The following WASHC4 variants were observed in gnomAD, a reference collection of about 807,000 sequenced individuals.
WASHC4 encodes the protein WASH complex subunit 4.
WASHC4 carries 86 observed loss-of-function variants against 166.6 expected under a neutral mutation model. That is an observed-to-expected ratio of 0.52 (90% CI 0.43 to 0.62). The LOEUF is 0.62. WASHC4 is among the 20% of genes least tolerant of loss of function. The pLI is 0.00. For synonymous variants in WASHC4, 446 were observed against 451.6 expected, an observed-to-expected ratio of 0.99 and a Z score of 0.16; for missense variants, 1,262 against 1,382.4, an observed-to-expected ratio of 0.91 and a Z score of 1.38.
chr12:105,112,917 A>G (rs1288479989), intron 2 of WASHC4, among the ~76,000 whole-genome samples: 1 of 152,180 alleles, frequency 6.6e-6, no homozygotes, highest in Non-Finnish European at 1.5e-5. Flanking sequence ...AATGAATATC[A>G]GGCAGCTTGA....
intron 6 of WASHC4, 75 bp from the exon 7 acceptor site, chr12:105,118,371 T>C (rs1880390947): frequency 9.5e-7 from 1 of 1,047,174 alleles, no homozygotes; most frequent in African/African-American, 1.6e-5. Context: ...GTTAGAGTTG[T>C]TACCATAAAA....
At chr12:105,129,318 C>T (rs1044125711) in intron 13 of WASHC4, among the ~76,000 whole-genome samples, 1 of 152,176 alleles carries the variant, frequency 6.6e-6, no homozygotes, top group African/African-American at 2.4e-5. Flanking sequence ...CTCCTGACCT[C>T]AGGTGATCCG....
chr12:105,156,522 A>T (rs562774323), intron 26 of WASHC4: 38 of 320,766 alleles, frequency 1.2e-4, no homozygotes, highest in African/African-American at 7.8e-4. Flanking sequence ...TAATATAGTT[A>T]TATATAAGTA....
At chr12:105,115,583 A>G in intron 5 of WASHC4, 78 bp from the exon 6 acceptor site, 2 of 1,072,400 alleles carry the variant, frequency 1.9e-6, no homozygotes, top group African/African-American at 1.6e-5. Context: ...GAAAAAAAAA[A>G]ACTTTTCCCC....
intron 10 of WASHC4, among the ~76,000 whole-genome samples, chr12:105,122,812 T>C (rs1004450499): frequency 1.8e-4 from 27 of 152,162 alleles, no homozygotes; most frequent in African/African-American, 6.5e-4. Flanking sequence ...CGATAAATGT[T>C]GTGTGTGTTC....
chr12:105,152,497 A>C (rs1456346102), intron 26 of WASHC4, 46 bp downstream of exon 26: 2 of 1,000,462 alleles, frequency 2.0e-6, no homozygotes, highest in Non-Finnish European at 3.2e-6. Context: ...AGATCCCTAC[A>C]GTCTATCTCA....
chr12:105,147,858 T>G (rs892269765), intron 24 of WASHC4: 1 of 799,990 alleles, frequency 1.3e-6, no homozygotes, highest in African/African-American at 1.9e-5. Flanking sequence ...TGAGCTGAGA[T>G]TGCGCCATTG....
rs757757796 is a variant in WASHC4, at chr12:105,157,248, T to C, written c.2838T>C (p.Asp946=). The stretch of plus-strand genomic sequence containing the variant: ...AATTCTTATGTAGATTTGTTCCTGA[T>C]CTTGAAGATATTGTAAATTTTGAAG... ...CSSNAIRFVP[D]LEDIVNFEEL... is the part of the protein sequence containing the mutation. The change falls in exon 28 of 33, where the codon GAT becomes GAC. Residue 946 remains aspartate (D), a synonymous_variant. Transcript: ENST00000332180. 2.2e-5 allele frequency: 34 copies of C among 1,525,952 alleles called. No homozygotes were observed. The highest frequency in any genetic ancestry group is 3.1e-5 in the Non-Finnish European group (34 of 1,102,662). 94.5% of individuals were successfully genotyped at this position (1,525,952 alleles called of 1,614,324 possible).
In WASHC4 at chr12:105,166,824, G is replaced by T; in HGVS notation, c.3455-40G>T. Reference sequence around the variant, plus strand: ...ACTTCTTAATTTATTGTTTAAAAATGAACATAAATATCCATTATTATTTTC... The same window carrying T: ...ACTTCTTAATTTATTGTTTAAAAATTAACATAAATATCCATTATTATTTTC... On this transcript the variant is annotated intron_variant, in intron 32 of 32. Transcript: ENST00000332180. 2.2e-6 allele frequency: 3 copies of T among 1,355,254 alleles called. No homozygotes were observed. The South Asian group carries it at 3.5e-5, about 16-fold the overall frequency. The allele number at this position is 1,355,254 out of a possible 1,614,324, so 84.0% of individuals were successfully genotyped here. A position where few individuals can be genotyped will look rare whatever the true frequency, so the allele number is the denominator to read the frequency against.
intron 24 of WASHC4, chr12:105,148,689 T>G: frequency 1.0e-6 from 1 of 985,306 alleles, no homozygotes; most frequent in Non-Finnish European, 1.2e-6. Context: ...ATCATTTGTT[T>G]CCATAATTGG....
chr12:105,109,260 C>T (rs1234432097), intron 1 of WASHC4, among the ~76,000 whole-genome samples: 5 of 151,738 alleles, frequency 3.3e-5, no homozygotes, highest in African/African-American at 1.2e-4. Flanking sequence ...ACAAAGATGA[C>T]GAACTGGTAT....
intron 13 of WASHC4, among the ~76,000 whole-genome samples, chr12:105,132,200 G>A (rs1192713321): frequency 6.6e-6 from 1 of 152,174 alleles, no homozygotes; most frequent in African/African-American, 2.4e-5. Context: ...ACGGAGTCTC[G>A]CTCTGTCGCC....
intron 15 of WASHC4, among the ~76,000 whole-genome samples, chr12:105,139,425 G>GTGTGTGTGTGTATATATA: frequency 1.3e-4 from 13 of 103,226 alleles, no homozygotes; most frequent in South Asian, 7.4e-4. Context: ...ATGTGTGTGT[G>GTGTGTGTGTGTATATATA]TATATATATA....
chr12:105,149,407 T>C, intron 24 of WASHC4: 1 of 1,079,658 alleles, frequency 9.3e-7, no homozygotes, highest in Non-Finnish European at 1.1e-6. Flanking sequence ...AGTAAAAATA[T>C]GTAAGAGGAG....
Position 105,162,865 on chromosome 12 carries a change from T to G in WASHC4, c.3157+20T>G, listed in dbSNP as rs745925188. 3.1e-6 allele frequency: 4 copies of G among 1,307,724 alleles called. No homozygotes were observed. Among genetic ancestry groups the G allele is most frequent in the Admixed American group, 1.8e-5 (1 of 56,500 alleles). The allele number at this position is 1,307,724 out of a possible 1,614,324, so 81.0% of individuals were successfully genotyped here. ...CCATGGGTAAGCTTAATGGAATTGT[T>G]TTTCCATTAATTTTATATTGACCTT... On this transcript the variant is annotated intron_variant, in intron 30 of 32. Coordinates refer to ENST00000332180, the MANE Select transcript of WASHC4 (RefSeq NM_015275.3).
At chr12:105,129,956 A>G (rs532946004) in intron 13 of WASHC4, among the ~76,000 whole-genome samples, 1 of 152,366 alleles carries the variant, frequency 6.6e-6, no homozygotes, top group African/African-American at 2.4e-5. Flanking sequence ...ATTAATGTTT[A>G]TGGAGTGCTT....
chr12:105,118,510 C>T lies in WASHC4; in HGVS notation c.500C>T (p.Ala167Val), dbSNP rs1445773636. ...ATGAACGTAGTCCACCAGTTGGCTGCCCTCTATATCAGTAACAAGTAATGG... is the reference window on the plus strand; with the variant it reads ...ATGAACGTAGTCCACCAGTTGGCTGTCCTCTATATCAGTAACAAGTAATGG... ...VVMNVVHQLA[A>V]LYISNKIAPK... The change falls in exon 7 of 33, where the codon GCC (alanine) becomes GTC (valine). Residue 167 changes from alanine (A) to valine (V), a missense_variant. Physicochemically the swap from Ala to Val is moderately conservative, Grantham distance 64 (BLOSUM62 0). Coordinates refer to ENST00000332180, the MANE Select transcript of WASHC4 (RefSeq NM_015275.3). 1.2e-6 allele frequency: 2 copies of T among 1,605,940 alleles called. No homozygotes were observed. Among genetic ancestry groups the T allele is most frequent in the Non-Finnish European group, 1.7e-6 (2 of 1,172,544 alleles).
rs1350008962 is a variant in WASHC4 at position 105,111,228 on chromosome 12, T to C, written c.165T>C (p.Asp55=). 1.9e-6 allele frequency: 3 copies of C among 1,610,138 alleles called. No homozygotes were observed. Among genetic ancestry groups the C allele is most frequent in the Admixed American group, 1.7e-5 (1 of 60,020 alleles). Residue 55 remains aspartate, a synonymous_variant, in exon 2 of 33, where the codon GAT becomes GAC. Coordinates refer to ENST00000332180, the MANE Select transcript of WASHC4 (RefSeq NM_015275.3). ...IEDALDDSIG[D]VWDFNLDPIA... Reference sequence around the variant, plus strand: ...ACGCTCTGGATGACTCAATTGGAGATGTTTGGGATTTCAATCTTGATCCTA... The same window carrying C: ...ACGCTCTGGATGACTCAATTGGAGACGTTTGGGATTTCAATCTTGATCCTA...
In WASHC4 at chr12:105,122,377, A is replaced by C. The variant is rs555278576; in HGVS notation, c.786+139A>C. The C allele has an allele frequency of 4.9e-5, 41 of 835,500 alleles. No homozygotes were observed. In the African/African-American group the frequency reaches 6.6e-4, roughly 13 times the overall value. The allele number at this position is 835,500 out of a possible 1,614,324, so 51.8% of individuals were successfully genotyped here. On this transcript the variant is annotated intron_variant, in intron 10 of 32. Coordinates refer to ENST00000332180, the MANE Select transcript of WASHC4 (RefSeq NM_015275.3). ...TGCTTTGGCTTAAAATTATTGTTAC[A>C]GTACTAAAATATTTCTGTATCTAGT... is the stretch of plus-strand genomic sequence containing the variant.
Sources: allele counts gnomAD v4.1 joint callset (sites outside exome capture counted in the v4.1 genomes callset), GRCh38; gene constraint gnomAD v4.1.1; transcripts MANE v1.5; gene names NCBI Gene and HGNC (gene_info 2026-07-23, HGNC 2026-07-21).